The following DLGAP1 variants were observed in gnomAD, a reference collection of about 807,000 sequenced individuals.
The protein encoded by DLGAP1 is DLG associated protein 1.
DLGAP1 carries 11 observed loss-of-function variants against 90.8 expected under a neutral mutation model. The ratio of observed to expected loss-of-function variants is 0.12; its 90% CI spans 0.08 to 0.20. The LOEUF is 0.20. Ranked by LOEUF, DLGAP1 falls within the 10% of genes least tolerant of loss-of-function variation. The pLI, the probability that DLGAP1 is intolerant of heterozygous loss-of-function variation, is 1.00. For synonymous variants in DLGAP1, 558 were observed against 540.7 expected, an observed-to-expected ratio of 1.03 and a Z score of -0.44; for missense variants, 1,050 against 1,333.8, an observed-to-expected ratio of 0.79 and a Z score of 3.31.
At chr18:4,071,218 A>G (rs934957566) in intron 2 of DLGAP1, among the ~76,000 whole-genome samples, 1 of 127,234 alleles carries the variant, frequency 7.9e-6, no homozygotes, top group Non-Finnish European at 1.7e-5. Flanking sequence ...TAAAAGCTAA[A>G]ACTTTATATA....
At position 4,342,537 on chromosome 18, in the gene DLGAP1, A is replaced by C. The variant is rs1306499222; in HGVS notation, c.-267+112469T>G. On this transcript the variant is annotated intron_variant, in intron 1 of 12. Transcript: ENST00000315677. This position sits in a 1 kb window ranked among gnomAD's most constrained non-coding sequence, Gnocchi z 5.8. ...CCCACTTTGAAAGACCATATGGTGC[A>C]TTTACTTGTAAATGCTTTGATGAAA... Among the ~76,000 whole-genome samples the C allele has an allele frequency of 6.6e-6, 1 of 152,142 alleles. No individual in the cohort carries two copies. The highest frequency in any genetic ancestry group is 2.4e-5 in the African/African-American group (1 of 41,432).
intron 5 of DLGAP1, among the ~76,000 whole-genome samples, chr18:3,800,149 T>A (rs1157134143): frequency 6.6e-6 from 1 of 152,180 alleles, no homozygotes; most frequent in Non-Finnish European, 1.5e-5. Flanking sequence ...TTTTGGTGGG[T>A]GGGAACATAT....
intron 1 of DLGAP1, among the ~76,000 whole-genome samples, chr18:4,269,600 C>A (rs973804979): frequency 6.6e-6 from 1 of 151,886 alleles, no homozygotes; most frequent in Non-Finnish European, 1.5e-5. Flanking sequence ...GTGATCCACC[C>A]GCCTTGGCCT....
At chr18:4,087,092 T>TATAC (rs1283559367) in intron 2 of DLGAP1, among the ~76,000 whole-genome samples, 5 of 93,666 alleles carry the variant, frequency 5.3e-5, no homozygotes, top group African/African-American at 9.4e-5. Flanking sequence ...TATGTATATA[T>TATAC]GTATATATGT....
chr18:4,013,315 T>C (rs1176192786), intron 2 of DLGAP1, among the ~76,000 whole-genome samples: 1 of 152,142 alleles, frequency 6.6e-6, no homozygotes, highest in Non-Finnish European at 1.5e-5. Flanking sequence ...AATATAGAGA[T>C]AAGGAAACTG....
chr18:4,116,195 C>A (rs1239613326), intron 2 of DLGAP1, among the ~76,000 whole-genome samples: 1 of 152,182 alleles, frequency 6.6e-6, no homozygotes, highest in Non-Finnish European at 1.5e-5. Flanking sequence ...ATATGTCATA[C>A]CATTGCCTCC....
At chr18:3,708,646 T>A (rs944749246) in intron 7 of DLGAP1, 4 of 409,266 alleles carry the variant, frequency 9.8e-6, no homozygotes, top group Non-Finnish European at 2.0e-5. Flanking sequence ...TGGGGCACAC[T>A]CTACAACAAG....
chr18:4,411,081 C>A lies in DLGAP1; in HGVS notation c.-267+43925G>T, dbSNP rs574617839. On this transcript the variant is annotated intron_variant, in intron 1 of 12. Transcript: ENST00000315677. ...TTGGCTGAGGCCTTTGGTGCAACTG[C>A]ATCTTAGTTCAAATTCTCCCTCTGA... Among the ~76,000 whole-genome samples the A allele has an allele frequency of 5.3e-5, 8 of 152,306 alleles. No individual in the cohort carries two copies. In the East Asian group the frequency reaches 1.5e-3, roughly 29 times the overall value.
intron 5 of DLGAP1, among the ~76,000 whole-genome samples, chr18:3,803,994 AT>A (rs2066443159): frequency 2.0e-5 from 2 of 100,190 alleles, no homozygotes; most frequent in Non-Finnish European, 2.0e-5. Context: ...ATATATATAT[AT>A]ATATATATAA....
rs571559115 is a variant in DLGAP1, at chr18:3,845,668, G to A, written c.958-31395C>T. ...CTTTGCAGCCCATATAGGGGGTAAC[G>A]TATATTCTGTCAAATGGAAGTCCCC... On this transcript the variant is annotated intron_variant, in intron 4 of 12. Coordinates refer to ENST00000315677, the MANE Select transcript of DLGAP1 (RefSeq NM_004746.4). 9 of 919,368 alleles carry A rather than the reference G, an allele frequency of 9.8e-6. No individual in the cohort carries two copies. The African/African-American group carries it at 1.1e-4, about 11-fold the overall frequency. The allele number at this position is 919,368 out of a possible 1,614,324, so 57.0% of individuals were successfully genotyped here.
intron 1 of DLGAP1, among the ~76,000 whole-genome samples, chr18:4,317,362 C>T (rs556343135): frequency 1.8e-4 from 28 of 152,198 alleles, no homozygotes; most frequent in African/African-American, 3.9e-4. Context: ...ATGTTTGCTA[C>T]GCTAGTACCA....
At chr18:4,435,282 T>C (rs1325784941) in intron 1 of DLGAP1, among the ~76,000 whole-genome samples, 1 of 152,134 alleles carries the variant, frequency 6.6e-6, no homozygotes, top group African/African-American at 2.4e-5. Flanking sequence ...AAATTTGATG[T>C]TTTGATACAA....
intron 9 of DLGAP1, among the ~76,000 whole-genome samples, chr18:3,561,436 C>CAAAAAAAA (rs68086553): frequency 1.3e-5 from 1 of 76,364 alleles, no homozygotes; most frequent in Non-Finnish European, 2.6e-5. Flanking sequence ...ACTCCATCTC[C>CAAAAAAAA]AAAAAAAAAA....
At chr18:4,017,760 ACT>A (rs2074546042) in intron 2 of DLGAP1, among the ~76,000 whole-genome samples, 1 of 151,806 alleles carries the variant, frequency 6.6e-6, no homozygotes, top group Admixed American at 6.6e-5. Context: ...ACAAACAAAG[ACT>A]CTCAGGTGAA....
At chr18:4,049,949 TCC>T (rs1443674063) in intron 2 of DLGAP1, among the ~76,000 whole-genome samples, 12 of 151,208 alleles carry the variant, frequency 7.9e-5, no homozygotes, top group Non-Finnish European at 1.5e-4. Flanking sequence ...CATCCATCCA[TCC>T]ATCCATACTT....
At chr18:4,165,803 C>T (rs2076923434) in intron 1 of DLGAP1, among the ~76,000 whole-genome samples, 1 of 152,074 alleles carries the variant, frequency 6.6e-6, no homozygotes, top group African/African-American at 2.4e-5. Context: ...CCACTCAAAA[C>T]CATTATAGAG....
chr18:4,078,431 C>T (rs764912867), intron 2 of DLGAP1, among the ~76,000 whole-genome samples: 9 of 152,136 alleles, frequency 5.9e-5, no homozygotes, highest in East Asian at 1.9e-4. Context: ...AGAGAATCTC[C>T]GGCGAGGGAC....
intron 7 of DLGAP1, among the ~76,000 whole-genome samples, chr18:3,598,814 T>C (rs890643506): frequency 6.7e-6 from 1 of 150,052 alleles, no homozygotes; most frequent in Non-Finnish European, 1.5e-5. Context: ...ATTTATTTAT[T>C]TGAAACAGAG....
intron 1 of DLGAP1, among the ~76,000 whole-genome samples, chr18:4,381,208 C>T (rs1043687113): frequency 6.6e-6 from 1 of 152,150 alleles, no homozygotes; most frequent in Non-Finnish European, 1.5e-5. Context: ...TTTGTATGGC[C>T]ATTCTTCTAT....
Sources: allele counts gnomAD v4.1 joint callset (sites outside exome capture counted in the v4.1 genomes callset), GRCh38; gene constraint gnomAD v4.1.1; non-coding constraint Gnocchi (gnomAD v3.1); transcripts MANE v1.5; gene names NCBI Gene and HGNC (gene_info 2026-07-23, HGNC 2026-07-21).